UNC80: variants seen among roughly 807,000 people sequenced by gnomAD.
The protein encoded by UNC80 is unc-80 subunit of NALCN channel complex, also known as protein unc-80 homolog.
In UNC80, 164 loss-of-function variants were observed where a neutral mutation model predicts 384.6. That is an observed-to-expected ratio of 0.43 (90% CI 0.38 to 0.49). The LOEUF (loss-of-function observed/expected upper bound fraction) is 0.49. Ranked by LOEUF, UNC80 falls within the 20% of genes least tolerant of loss-of-function variation. The pLI is 0.00. For missense variants in UNC80, 3,330 were observed against 4,143.0 expected (o/e 0.80, Z 5.39); for synonymous variants, 1,486 against 1,527.8 (o/e 0.97, Z 0.64).
intron 29 of UNC80, 48 bp downstream of exon 29, chr2:209,905,013 T>C (rs1195767751): frequency 6.5e-7 from 1 of 1,532,478 alleles, no homozygotes; most frequent in Non-Finnish European, 8.8e-7. Context: ...AAACATGATG[T>C]CATAACAATT....
At chr2:209,934,665 G>A (rs1195666544) in intron 39 of UNC80, among the ~76,000 whole-genome samples, 1 of 152,166 alleles carries the variant, frequency 6.6e-6, no homozygotes, top group Admixed American at 6.6e-5. Context: ...TCATAGCACT[G>A]TCATTTATTA....
intron 7 of UNC80, among the ~76,000 whole-genome samples, chr2:209,800,312 T>A (rs2078458088): frequency 1.3e-5 from 2 of 152,170 alleles, no homozygotes; most frequent in African/African-American, 4.8e-5. Context: ...CAGGAATTTA[T>A]CCCTTTCTTC....
At chr2:209,939,799 T>G in intron 43 of UNC80, 147 bp downstream of exon 43, 1 of 687,784 alleles carries the variant, frequency 1.5e-6, no homozygotes, top group Non-Finnish European at 2.2e-6. Context: ...ATGTGCCATG[T>G]TGGTGTGCTG....
At position 209,995,405 on chromosome 2, in the gene UNC80, T is replaced by C; in HGVS notation, c.9785T>C (p.Leu3262Pro). The C allele has an allele frequency of 6.4e-7, 1 of 1,551,988 alleles. No homozygotes were observed. Among genetic ancestry groups the C allele is most frequent in the Non-Finnish European group, 8.7e-7 (1 of 1,147,048 alleles). ...CAAGGTGCTACTGCACACAGTCCAC[T>C]CTCTGCCCAACTCTCTGACCCTGAT... ...EAQGATAHSP[L>P]SAQLSDPDDF... The change falls in exon 65 of 65, where the codon CTC (leucine) becomes CCC (proline). Residue 3262 changes from leucine to proline, a missense_variant. This residue lies in a region of UNC80 where 236 missense variants were observed against 254.9 expected (regional missense o/e 0.93). Transcript: ENST00000673920.
chr2:209,789,429 A>G, intron 5 of UNC80, 103 bp from the exon 6 acceptor site: 1 of 753,378 alleles, frequency 1.3e-6, no homozygotes, highest in South Asian at 1.8e-5. Context: ...TAAAGTAATA[A>G]TGTTCTATTA....
Position 209,978,702 on chromosome 2 carries a change from G to A in UNC80, c.9112G>A (p.Glu3038Lys). The change falls in exon 59 of 65, where the codon GAG becomes AAG. Residue 3038 changes from glutamate to lysine, a missense_variant. Coordinates refer to ENST00000673920, the MANE Select transcript of UNC80 (RefSeq NM_001371986.1). Reference protein sequence around the residue: ...DTLSRTDEEDEENDSISMPSV... With the variant: ...DTLSRTDEEDKENDSISMPSV... ...CCTGAGTCGGACTGATGAGGAAGAT[G>A]AGGAAAGTAGGTCATTCCAGAGAAT... The A allele has an allele frequency of 1.3e-6, 2 of 1,534,380 alleles. No individual in the cohort carries two copies. The highest frequency in any genetic ancestry group is 2.5e-5 in the East Asian group (1 of 40,584).
chr2:209,980,589 CA>C (rs1348165121), intron 59 of UNC80, among the ~76,000 whole-genome samples: 1 of 152,108 alleles, frequency 6.6e-6, no homozygotes, highest in Non-Finnish European at 1.5e-5. Flanking sequence ...GTATGAAAAC[CA>C]GATTGTTGTT....
rs111803363 is a variant in UNC80, at chr2:209,826,818, AG to A, written c.2478+767del. 2.2e-3 allele frequency among the ~76,000 whole-genome samples: 341 copies of A among 152,058 alleles called. 1 individual carries two copies. Among genetic ancestry groups the A allele is most frequent in the Non-Finnish European group, 3.6e-3 (246 of 67,972 alleles). ...ATACGAAAATATTCTCTTAAAAAAAAGGAGTTTGATGCAAAGTTGAGTTCCA... is the reference window on the plus strand; with the variant it reads ...ATACGAAAATATTCTCTTAAAAAAAAGAGTTTGATGCAAAGTTGAGTTCCA... On this transcript the variant is annotated intron_variant, in intron 14 of 64. Coordinates refer to ENST00000673920, the MANE Select transcript of UNC80 (RefSeq NM_001371986.1).
intron 36 of UNC80, among the ~76,000 whole-genome samples, chr2:209,928,605 T>C (rs917225823): frequency 7.9e-5 from 12 of 152,220 alleles, no homozygotes; most frequent in African/African-American, 2.9e-4. Flanking sequence ...TCAGTACCTG[T>C]ATACAATGTG....
At chr2:209,936,709 TA>T in intron 40 of UNC80, 134 bp from the exon 41 acceptor site, 1 of 635,070 alleles carries the variant, frequency 1.6e-6, no homozygotes, top group South Asian at 1.9e-5. Flanking sequence ...ACAGTTTACA[TA>T]AGACATCAAT....
intron 28 of UNC80, among the ~76,000 whole-genome samples, chr2:209,904,106 A>G (rs2087881165): frequency 6.6e-6 from 1 of 152,212 alleles, no homozygotes; most frequent in South Asian, 2.1e-4. Flanking sequence ...TTTAAATCAA[A>G]TGAATTCCCT....
chr2:209,931,022 G>A lies in UNC80; in HGVS notation c.5962G>A (p.Ala1988Thr). Residue 1988 changes from alanine to threonine, a missense_variant, in exon 38 of 65, where the codon GCT becomes ACT. This residue lies in a region of UNC80 where 1,049 missense variants were observed against 1,488.6 expected (regional missense o/e 0.70). Transcript: ENST00000673920. ...TCTCTTGAATATTGGAGACTTTCCT[G>A]CTCAGACATCTCACATCCTATTCAA... Reference protein sequence around the residue: ...KLLLNIGDFPAQTSHILFNYL... With the variant: ...KLLLNIGDFPTQTSHILFNYL... 6.4e-7 allele frequency: 1 copy of A among 1,550,486 alleles called. No homozygotes were observed. The highest frequency in any genetic ancestry group is 2.0e-5 in the Admixed American group (1 of 50,958).
chr2:209,948,199 C>G (rs952526814), intron 47 of UNC80, among the ~76,000 whole-genome samples: 6 of 152,106 alleles, frequency 3.9e-5, no homozygotes, highest in African/African-American at 1.4e-4. Flanking sequence ...ATGGATGGAA[C>G]TGCTGGGCTA....
Position 209,984,993 on chromosome 2 carries a change from C to T in UNC80, c.9314+81C>T, listed in dbSNP as rs1007737999. ...CCTGTCTCCTCTGTCTCTCTGTCTTCTCTGTCTCTTCTCGCCCCGTCTTAA... is the reference window on the plus strand; with the variant it reads ...CCTGTCTCCTCTGTCTCTCTGTCTTTTCTGTCTCTTCTCGCCCCGTCTTAA... On this transcript the variant is annotated intron_variant, in intron 61 of 64. Transcript: ENST00000673920. The T allele has an allele frequency of 4.0e-6, 5 of 1,250,982 alleles. No homozygotes were observed. The African/African-American group carries it at 6.1e-5, about 15-fold the overall frequency. 77.5% of individuals were successfully genotyped at this position (1,250,982 alleles called of 1,614,324 possible). A position where few individuals can be genotyped will look rare whatever the true frequency, so the allele number is the denominator to read the frequency against.
intron 22 of UNC80, among the ~76,000 whole-genome samples, chr2:209,866,270 C>T (rs941065268): frequency 3.3e-5 from 5 of 151,924 alleles, no homozygotes; most frequent in Admixed American, 6.6e-5. Context: ...TTTTTCATCT[C>T]TTTGTCTCTA....
chr2:209,974,367 A>G (rs1559422603), intron 56 of UNC80, among the ~76,000 whole-genome samples: 1 of 152,240 alleles, frequency 6.6e-6, no homozygotes. Flanking sequence ...GTAGAATTCA[A>G]ATCTAAGCTC....
At chr2:209,902,841 A>G (rs566898756) in intron 28 of UNC80, among the ~76,000 whole-genome samples, 20 of 151,800 alleles carry the variant, frequency 1.3e-4, no homozygotes, top group Admixed American at 2.0e-4. Flanking sequence ...TAAATGCAAC[A>G]TTTGCTTTAT....
chr2:209,853,592 A>C (rs370870734), intron 22 of UNC80, among the ~76,000 whole-genome samples: 7 of 152,212 alleles, frequency 4.6e-5, no homozygotes, highest in African/African-American at 1.4e-4. Context: ...TATTTTAGAA[A>C]GGATTGATTT....
Position 209,786,074 on chromosome 2 carries a change from C to A in UNC80, c.609C>A (p.Asp203Glu). Residue 203 changes from aspartate (D) to glutamate (E), a missense_variant, in exon 5 of 65, where the codon GAC becomes GAA. Asp to Glu is a conservative substitution (Grantham distance 45). Around this residue, in one of 8 missense-constraint regions of UNC80, gnomAD observed 937 missense variants for 1,026.8 expected, o/e 0.91. Transcript: ENST00000673920. ...CTTCTCCTCCCCCCTAGGAATCTGACCTCACCTTCCGTCTGGCCAGTGGGC... is the reference window on the plus strand; with the variant it reads ...CTTCTCCTCCCCCCTAGGAATCTGAACTCACCTTCCGTCTGGCCAGTGGGC... ...APLVHRIKESDLTFRLASGLV... is the reference protein window; with the variant it reads ...APLVHRIKESELTFRLASGLV... The A allele has an allele frequency of 1.2e-6, 2 of 1,613,696 alleles. No homozygotes were observed. Among genetic ancestry groups the A allele is most frequent in the East Asian group, 4.5e-5 (2 of 44,872 alleles).
Sources: gnomAD v4.1 joint callset for allele counts (sites outside exome capture counted in the v4.1 genomes callset) on GRCh38, gnomAD v4.1.1 for gene constraint, gnomAD v4.1.1 regional missense constraint, MANE v1.5 for transcripts, NCBI Gene and HGNC (gene_info 2026-07-23, HGNC 2026-07-21) for gene names.